The following ABLIM1 variants were observed in gnomAD, a reference collection of about 807,000 sequenced individuals.
ABLIM1 encodes actin-binding LIM protein 1.
ABLIM1 carries 40 observed loss-of-function variants against 107.0 expected under a neutral mutation model. That is an observed-to-expected ratio of 0.37 (90% confidence interval 0.29 to 0.49). ABLIM1 has a LOEUF of 0.49. ABLIM1 is among the 20% of genes least tolerant of loss of function. ABLIM1 has a pLI of 0.97. For synonymous variants in ABLIM1, 357 were observed against 357.3 expected (o/e 1.00, Z 0.01); for missense variants, 857 against 1,008.5 (o/e 0.85, Z 2.04).
At chr10:114,768,107 T>C (rs1473450811), upstream of ABLIM1, 3 of 422,706 alleles carry the variant, frequency 7.1e-6, no homozygotes, top group Admixed American at 2.5e-5. Context: ...CTGGAAGGCG[T>C]TGGACAGCCC....
intron 13 of ABLIM1, 112 bp downstream of exon 13, chr10:114,453,267 G>T: frequency 1.7e-6 from 2 of 1,167,146 alleles, no homozygotes; most frequent in Non-Finnish European, 1.3e-6. Context: ...TTTAGGGTTT[G>T]TTAACTGTGC....
Position 114,545,095 on chromosome 10 carries a change from A to T in ABLIM1, c.804T>A (p.Asp268Glu). The T allele has an allele frequency of 6.2e-7, 1 of 1,614,160 alleles. No homozygotes were observed. Among genetic ancestry groups the T allele is most frequent in the Non-Finnish European group, 8.5e-7 (1 of 1,180,004 alleles). Residue 268 changes from aspartate to glutamate, a missense_variant, in exon 6 of 23, where the codon GAT becomes GAA. Around this residue, in one of 5 missense-constraint regions of ABLIM1, gnomAD observed 381 missense variants for 506.9 expected, o/e 0.75. Coordinates refer to ENST00000533213, the MANE Select transcript of ABLIM1 (RefSeq NM_002313.7). ...KVLTGEYISK[D>E]GAPYCEKDYQ... ...AGTCCTTTTCACAGTACGGAGCACC[A>T]TCCCTGCAAGACAAAAACGTGTTCG...
chr10:114,437,456 C>T (rs1589636172), intron 22 of ABLIM1, among the ~76,000 whole-genome samples: 1 of 151,724 alleles, frequency 6.6e-6, no homozygotes, highest in African/African-American at 2.4e-5. Context: ...GTAGCTGGGA[C>T]TACAGGCACC....
intron 1 of ABLIM1, among the ~76,000 whole-genome samples, chr10:114,741,820 T>C (rs556738416): frequency 6.6e-6 from 1 of 152,326 alleles, no homozygotes; most frequent in South Asian, 2.1e-4. Context: ...AGATTGTTTG[T>C]TGTTAAGTTA....
chr10:114,537,620 A>G (rs1275197445), intron 6 of ABLIM1, among the ~76,000 whole-genome samples: 1 of 152,232 alleles, frequency 6.6e-6, no homozygotes, highest in Non-Finnish European at 1.5e-5. Context: ...ACCAGCTTGC[A>G]GGCCTGTGGT....
intron 1 of ABLIM1, among the ~76,000 whole-genome samples, chr10:114,666,228 G>C (rs1201545555): frequency 6.6e-6 from 1 of 152,182 alleles, no homozygotes; most frequent in African/African-American, 2.4e-5. Context: ...CTGCAGTGTG[G>C]AGAGAAAATT....
At chr10:114,595,083 C>T (rs1223246123) in intron 2 of ABLIM1, 1 of 150,964 alleles carries the variant, frequency 6.6e-6, no homozygotes, top group African/African-American at 2.4e-5. Context: ...AATCTTGATT[C>T]TCTGGGCAGT....
intron 1 of ABLIM1, among the ~76,000 whole-genome samples, chr10:114,683,890 T>A (rs2080855101): frequency 6.6e-6 from 1 of 152,094 alleles, no homozygotes; most frequent in Non-Finnish European, 1.5e-5. Context: ...CAAACACAAC[T>A]GTAGGGAAAG....
At chr10:114,740,000 C>T (rs2082254791) in intron 1 of ABLIM1, among the ~76,000 whole-genome samples, 1 of 151,934 alleles carries the variant, frequency 6.6e-6, no homozygotes, top group Non-Finnish European at 1.5e-5. Flanking sequence ...ACAGAGATAG[C>T]CATTTCTTAA....
chr10:114,711,905 A>C (rs944393044), intron 1 of ABLIM1, among the ~76,000 whole-genome samples: 1 of 152,172 alleles, frequency 6.6e-6, no homozygotes, highest in Non-Finnish European at 1.5e-5. Flanking sequence ...CTTGAAGCAG[A>C]AGTCAAGGGA....
At chr10:114,718,242 A>G (rs141086905) in intron 1 of ABLIM1, among the ~76,000 whole-genome samples, 41 of 152,282 alleles carry the variant, frequency 2.7e-4, no homozygotes, top group African/African-American at 8.7e-4. Flanking sequence ...TAGATGGTGG[A>G]AAAATAAGTA....
In ABLIM1 at chr10:114,445,357, CTCA is replaced by C. The variant is rs764930974; in HGVS notation, c.1779_1781del (p.Asp593del). ...GAAGCTGCCGACGTCTCAGAAGTTC[CTCA>C]TCATCTTCCTCTCTGCCACTAGATC... On this transcript the variant is annotated inframe_deletion, in exon 16 of 23. Transcript: ENST00000533213. 1.4e-5 allele frequency: 22 copies of C among 1,609,306 alleles called. No individual in the cohort carries two copies. Among genetic ancestry groups the C allele is most frequent in the Non-Finnish European group, 1.9e-5 (22 of 1,177,550 alleles).
intron 1 of ABLIM1, among the ~76,000 whole-genome samples, chr10:114,732,845 C>T (rs537895106): frequency 1.3e-5 from 2 of 152,226 alleles, no homozygotes; most frequent in South Asian, 2.1e-4. Context: ...GACAAATAAT[C>T]CTTAAACACA....
At chr10:114,441,821 G>A in intron 17 of ABLIM1, 35 bp from the exon 18 acceptor site, 9 of 1,569,522 alleles carry the variant, frequency 5.7e-6, no homozygotes, top group Non-Finnish European at 7.9e-6. Context: ...CAATTGTTAG[G>A]AAATCAGAAG....
rs60827978 is a variant in ABLIM1 at position 114,754,727 on chromosome 10, A to G, written c.-213+13334T>C. Among the ~76,000 whole-genome samples the G allele has an allele frequency of 4.2e-3, 636 of 152,364 alleles. 3 individuals are homozygous for G. The highest frequency in any genetic ancestry group is 0.015 in the African/African-American group (605 of 41,574). ...ATCAAATGTTCTGAACACGGCACATAAATACCCTTCTCTTAGTGTTTATCA... is the reference window on the plus strand; with the variant it reads ...ATCAAATGTTCTGAACACGGCACATGAATACCCTTCTCTTAGTGTTTATCA... On this transcript the variant is annotated intron_variant, in intron 1 of 15. Coordinates refer to the ABLIM1 transcript ENST00000651092.
At chr10:114,470,366 T>A (rs772486667) in intron 10 of ABLIM1, among the ~76,000 whole-genome samples, 2 of 134,926 alleles carry the variant, frequency 1.5e-5, no homozygotes, top group African/African-American at 2.9e-5. Context: ...GAGGTTGCAG[T>A]GAGCCAAGAT....
At chr10:114,610,358 C>G (rs1233478464) in intron 1 of ABLIM1, among the ~76,000 whole-genome samples, 1 of 152,162 alleles carries the variant, frequency 6.6e-6, no homozygotes, top group African/African-American at 2.4e-5. Flanking sequence ...CTAAGATGCT[C>G]CTCTGTATGG....
chr10:114,527,053 A>C, intron 6 of ABLIM1: 1 of 830,126 alleles, frequency 1.2e-6, no homozygotes, highest in Non-Finnish European at 1.5e-6. Flanking sequence ...ATTTCTTTGC[A>C]TTCACTCACT....
At chr10:114,517,748 TTGTC>T (rs1281276616) in intron 6 of ABLIM1, among the ~76,000 whole-genome samples, 1 of 152,150 alleles carries the variant, frequency 6.6e-6, no homozygotes. Context: ...AAGCTAAAGT[TTGTC>T]TGAAACCTTC....
Sources: gnomAD v4.1 joint callset for allele counts (sites outside exome capture counted in the v4.1 genomes callset) on GRCh38, gnomAD v4.1.1 for gene constraint, gnomAD v4.1.1 regional missense constraint, MANE v1.5 for transcripts, NCBI Gene and HGNC (gene_info 2026-07-23, HGNC 2026-07-21) for gene names.